The following USP20 variants were observed in gnomAD, a reference collection of about 807,000 sequenced individuals.
USP20 encodes ubiquitin specific peptidase 20.
USP20 carries 80 observed loss-of-function variants against 124.2 expected under a neutral mutation model. The ratio of observed to expected loss-of-function variants is 0.64; its 90% confidence interval spans 0.54 to 0.78. USP20 has a LOEUF of 0.78. Ranked by LOEUF, USP20 falls within the 30% of genes least tolerant of loss-of-function variation. The pLI is 0.00. For missense variants in USP20, 1,043 were observed against 1,244.4 expected, an observed-to-expected ratio of 0.84 and a Z score of 2.44; for synonymous variants, 481 against 512.3, an observed-to-expected ratio of 0.94 and a Z score of 0.83.
chr9:129,851,651 C>G (rs977732746), intron 2 of USP20, among the ~76,000 whole-genome samples: 16 of 152,156 alleles, frequency 1.1e-4, no homozygotes, highest in Non-Finnish European at 1.6e-4. Flanking sequence ...AGACAGATAT[C>G]TTTTTATACC....
In USP20 at chr9:129,871,112, C is replaced by T. The variant is rs192804877; in HGVS notation, c.1660+565C>T. 2.0e-3 allele frequency among the ~76,000 whole-genome samples: 309 copies of T among 152,262 alleles called. 1 individual carries two copies. The highest frequency in any genetic ancestry group is 3.4e-3 in the Non-Finnish European group (232 of 68,036). On this transcript the variant is annotated intron_variant, in intron 15 of 25. Coordinates refer to ENST00000372429, the MANE Select transcript of USP20 (RefSeq NM_001110303.4). The stretch of plus-strand genomic sequence containing the variant: ...ATGCACATGGTCACGCAGCCATCCT[C>T]CCCATTCATCTCCAGAACTTTTACA...
intron 10 of USP20, among the ~76,000 whole-genome samples, chr9:129,867,302 T>G (rs1466074747): frequency 6.6e-6 from 1 of 152,162 alleles, no homozygotes; most frequent in Non-Finnish European, 1.5e-5. Flanking sequence ...CCCTGCTGCC[T>G]TGGCTTCCTG....
At chr9:129,875,964 C>T (rs760101803) in intron 21 of USP20, among the ~76,000 whole-genome samples, 166 bp from the exon 22 acceptor site, 16 of 34,526 alleles carry the variant, frequency 4.6e-4, no homozygotes, top group Admixed American at 2.0e-3. Flanking sequence ...GCTGTGGGCG[C>T]GCTGCTCCGT....
chr9:129,847,653 A>G (rs1207924360), intron 1 of USP20, among the ~76,000 whole-genome samples: 2 of 152,152 alleles, frequency 1.3e-5, no homozygotes, highest in Non-Finnish European at 2.9e-5. Context: ...TAATTTACAT[A>G]TAATAAAATG....
rs1301832593 is a variant in USP20, at chr9:129,868,932, T to C, written c.1206T>C (p.His402=). ...PCSPVHHHEG[H]AKLSSSPPRA... The stretch of plus-strand genomic sequence containing the variant: ...GCCCCGTCCACCACCACGAGGGCCA[T>C]GCCAAGCTGTCTAGCAGCCCCCCTC... The change falls in exon 12 of 26, where the codon CAT becomes CAC. Residue 402 remains histidine, a synonymous_variant. Transcript: ENST00000372429. 6 of 1,612,610 alleles carry C rather than the reference T, an allele frequency of 3.7e-6. No individual in the cohort carries two copies. The highest frequency in any genetic ancestry group is 5.1e-6 in the Non-Finnish European group (6 of 1,179,338).
At chr9:129,868,758 T>A in intron 11 of USP20, 104 bp from the exon 12 acceptor site, 1 of 1,479,614 alleles carries the variant, frequency 6.8e-7, no homozygotes, top group Non-Finnish European at 8.9e-7. Context: ...CACATTAGGG[T>A]CAGGCTTTCG....
Position 129,858,575 on chromosome 9 carries a change from T to C in USP20, c.307T>C (p.Ser103Pro). The C allele has an allele frequency of 6.2e-7, 1 of 1,614,038 alleles. No homozygotes were observed. Among genetic ancestry groups the C allele is most frequent in the South Asian group, 1.1e-5 (1 of 91,088 alleles). The change falls in exon 6 of 26, where the codon TCC (serine) becomes CCC (proline). Residue 103 changes from serine (S) to proline (P), a missense_variant. Ser to Pro is a moderately conservative substitution (Grantham distance 74, BLOSUM62 -1). Transcript: ENST00000372429. ...EQRLAAPLLGSSSKFSEQDSP... is the reference protein window; with the variant it reads ...EQRLAAPLLGPSSKFSEQDSP... Reference sequence around the variant, plus strand: ...GCGGCTGGCAGCCCCTCTGCTGGGCTCCTCTTCCAAGTTCTCTGAACAGGT... The same window carrying C: ...GCGGCTGGCAGCCCCTCTGCTGGGCCCCTCTTCCAAGTTCTCTGAACAGGT...
chr9:129,878,194 G>T (rs2034487315), intron 22 of USP20, 144 bp from the exon 23 acceptor site: 1 of 676,278 alleles, frequency 1.5e-6, no homozygotes, highest in Admixed American at 2.3e-5. Flanking sequence ...TTGTCTGGGG[G>T]TTTGATTTTT....
In USP20 at chr9:129,847,299, C is replaced by CT. The variant is rs35098457; in HGVS notation, c.-128-2492dup. On this transcript the variant is annotated intron_variant, in intron 1 of 25. Coordinates refer to ENST00000372429, the MANE Select transcript of USP20 (RefSeq NM_001110303.4). ...TCCACACCCTCGCCAACAGCCAACA[C>CT]TTTTTTTTTTTTTTTTTTTTTTAGA... 4.2e-3 allele frequency among the ~76,000 whole-genome samples: 552 copies of CT among 130,842 alleles called. 2 individuals are homozygous for CT. The highest frequency in any genetic ancestry group is 0.025 in the South Asian group (97 of 3,952). 85.8% of individuals were successfully genotyped at this position (130,842 alleles called of 152,430 possible).
Position 129,863,259 on chromosome 9 carries a change from AGC to A in USP20, c.572_573del (p.Ser191IlefsTer7), listed in dbSNP as rs2033644882. The A allele has an allele frequency of 6.4e-7, 1 of 1,551,100 alleles. No individual in the cohort carries two copies. Among genetic ancestry groups the A allele is most frequent in the African/African-American group, 1.4e-5 (1 of 73,280 alleles). The stretch of plus-strand genomic sequence containing the variant: ...AGATAAGAAGCCAGCCCTGTGCAAG[AGC>A]TACCAGAAGCTGGTCTCTGAGGTCT... ...RTDKKPALCK[S>X]YQKLVSEVWH... On this transcript the variant is annotated frameshift_variant, in exon 9 of 26. Transcript: ENST00000372429. LOFTEE classifies it high-confidence loss of function.
At chr9:129,880,329 C>G in intron 25 of USP20, 40 bp downstream of exon 25, 1 of 1,521,430 alleles carries the variant, frequency 6.6e-7, no homozygotes, top group Non-Finnish European at 8.8e-7. Context: ...CACTCTGGGT[C>G]CTCTCCTCAC....
chr9:129,873,765 GCCT>G (rs764956780), intron 17 of USP20, 21 bp downstream of exon 17: 34 of 1,609,292 alleles, frequency 2.1e-5, no homozygotes, highest in East Asian at 4.5e-5. Context: ...GGCCTCGGCA[GCCT>G]CCTCCTCAGC....
Position 129,836,151 on chromosome 9 carries a change from A to G in USP20, c.-129+652A>G, listed in dbSNP as rs1291776673. ...ATGCTGTGAGGATAAAGTTTATTTGAAAAACTGGTATCAGCAAACGCTTAG... is the reference window on the plus strand; with the variant it reads ...ATGCTGTGAGGATAAAGTTTATTTGGAAAACTGGTATCAGCAAACGCTTAG... On this transcript the variant is annotated intron_variant, in intron 1 of 25. Coordinates refer to ENST00000372429, the MANE Select transcript of USP20 (RefSeq NM_001110303.4). Among the ~76,000 whole-genome samples, 6 of 152,218 alleles carry G rather than the reference A, an allele frequency of 3.9e-5. No homozygotes were observed. In the South Asian group the frequency reaches 1.2e-3, roughly 32 times the overall value.
At chr9:129,847,525 A>T (rs1242259277) in intron 1 of USP20, among the ~76,000 whole-genome samples, 1 of 150,712 alleles carries the variant, frequency 6.6e-6, no homozygotes, top group Non-Finnish European at 1.5e-5. Context: ...CTGGTCTCCA[A>T]CTCCTGATCT....
intron 10 of USP20, among the ~76,000 whole-genome samples, chr9:129,866,547 C>T (rs979830927): frequency 2.0e-5 from 3 of 152,224 alleles, no homozygotes; most frequent in South Asian, 2.1e-4. Flanking sequence ...CACAGCACCA[C>T]CCTGACTGTG....
Position 129,869,439 on chromosome 9 carries a change from G to A in USP20, c.1392+14G>A. 3 of 1,611,276 alleles carry A rather than the reference G, an allele frequency of 1.9e-6. No individual in the cohort carries two copies. The highest frequency in any genetic ancestry group is 2.5e-6 in the Non-Finnish European group (3 of 1,177,922). On this transcript the variant is annotated intron_variant, in intron 13 of 25. Transcript: ENST00000372429. The stretch of plus-strand genomic sequence containing the variant: ...ACCTGTGACCGGGTGGGTGCCCCAG[G>A]GATGGGGGGAGCTGGGCCAGGCTGC...
chr9:129,880,515 G>T lies in USP20; in HGVS notation c.*65G>T. 1.8e-6 allele frequency: 1 copy of T among 556,440 alleles called. No individual in the cohort carries two copies. Among genetic ancestry groups the T allele is most frequent in the South Asian group, 2.6e-5 (1 of 38,844 alleles). The allele number at this position is 556,440 out of a possible 1,614,324, so 34.5% of individuals were successfully genotyped here. A position where few individuals can be genotyped will look rare whatever the true frequency, so the allele number is the denominator to read the frequency against. On this transcript the variant is annotated 3_prime_UTR_variant, in exon 26 of 26. Coordinates refer to ENST00000372429, the MANE Select transcript of USP20 (RefSeq NM_001110303.4). ...AGGCGTGTTTGTGCCCAGAAGAGAG[G>T]CCGGGCTGCTGCAGAACCCCGCCGT...
At position 129,878,405 on chromosome 9, in the gene USP20, G is replaced by A. The variant is rs2131104350; in HGVS notation, c.2477G>A (p.Arg826Gln). 1 of 1,610,224 alleles carries A rather than the reference G, an allele frequency of 6.2e-7. No individual in the cohort carries two copies. Among genetic ancestry groups the A allele is most frequent in the Non-Finnish European group, 8.5e-7 (1 of 1,178,064 alleles). The change falls in exon 23 of 26, where the codon CGG becomes CAG. Residue 826 changes from arginine (R) to glutamine (Q), a missense_variant. Coordinates refer to ENST00000372429, the MANE Select transcript of USP20 (RefSeq NM_001110303.4). Reference protein sequence around the residue: ...VIYCISMQWFREWEAFVKGKD... With the variant: ...VIYCISMQWFQEWEAFVKGKD... The stretch of plus-strand genomic sequence containing the variant: ...TACTGCATCAGCATGCAGTGGTTCC[G>A]GGAGTGGGAGGCGTTCGTCAAGGGG...
rs1380441806 is a variant in USP20 at position 129,875,445 on chromosome 9, C to T, written c.2184C>T (p.Pro728=). 1.2e-6 allele frequency: 2 copies of T among 1,613,514 alleles called. No homozygotes were observed. The highest frequency in any genetic ancestry group is 2.7e-5 in the African/African-American group (2 of 74,922). ...TCAACACCTTCGCGGAGCCAGGCCC[C>T]ATCACCAACCAGACCTTCCTCTGCT... The part of the protein sequence containing the change: ...NKFNTFAEPG[P]ITNQTFLCSH... The change falls in exon 20 of 26, where the codon CCC becomes CCT. Residue 728 remains proline (P), a synonymous_variant. Transcript: ENST00000372429.
Sources: gnomAD v4.1 joint callset for allele counts (sites outside exome capture counted in the v4.1 genomes callset) on GRCh38, gnomAD v4.1.1 for gene constraint, MANE v1.5 for transcripts, NCBI Gene and HGNC (gene_info 2026-07-23, HGNC 2026-07-21) for gene names.